Variants in SIPA1L3 observed in about 807,000 individuals in gnomAD.
The protein encoded by SIPA1L3 is signal-induced proliferation-associated 1-like protein 3.
A neutral mutation model predicts 150.1 loss-of-function variants in SIPA1L3; 59 were observed. The observed-to-expected ratio is 0.39, with a 90% CI of 0.32 to 0.49. The LOEUF is 0.49. Among genes scored for constraint, SIPA1L3 ranks in the 20% least tolerant of loss-of-function variants. The pLI is 0.86. For synonymous variants in SIPA1L3, 1,070 were observed against 1,077.6 expected (o/e 0.99, Z 0.14); for missense variants, 2,211 against 2,489.5 (o/e 0.89, Z 2.38).
intron 1 of SIPA1L3, among the ~76,000 whole-genome samples, chr19:37,999,019 A>G (rs548286312): frequency 1.3e-5 from 2 of 151,660 alleles, no homozygotes; most frequent in Admixed American, 6.6e-5. Context: ...ACACCCACAC[A>G]CACACAAAGA....
intron 1 of SIPA1L3, among the ~76,000 whole-genome samples, chr19:37,976,539 C>G (rs1967081901): frequency 6.6e-6 from 1 of 152,130 alleles, no homozygotes; most frequent in African/African-American, 2.4e-5. Flanking sequence ...TCGAGCAGCT[C>G]TGGGGTGTCT....
intron 1 of SIPA1L3, among the ~76,000 whole-genome samples, chr19:37,918,246 G>GT (rs1415753141): frequency 6.6e-6 from 1 of 151,654 alleles, no homozygotes; most frequent in Non-Finnish European, 1.5e-5. Context: ...TCATTTCTTT[G>GT]TTTTTTGTTT....
intron 19 of SIPA1L3, among the ~76,000 whole-genome samples, chr19:38,198,936 A>T (rs576793782): frequency 1.3e-5 from 2 of 152,214 alleles, no homozygotes; most frequent in Non-Finnish European, 2.9e-5. Flanking sequence ...ACTGCACTCC[A>T]GCCTGGGCGA....
At chr19:38,176,832 G>A (rs1315697517) in intron 15 of SIPA1L3, among the ~76,000 whole-genome samples, 1 of 152,034 alleles carries the variant, frequency 6.6e-6, no homozygotes, top group Non-Finnish European at 1.5e-5. Context: ...TTAGCTGGGT[G>A]TGGTGGCACA....
chr19:38,082,773 A>G lies in SIPA1L3; in HGVS notation c.1208A>G (p.Glu403Gly), dbSNP rs764171555. 9.9e-6 allele frequency: 16 copies of G among 1,613,318 alleles called. No homozygotes were observed. The highest frequency in any genetic ancestry group is 1.6e-4 in the Middle Eastern group (1 of 6,062). The change falls in exon 3 of 22, where the codon GAG becomes GGG. Residue 403 changes from glutamate to glycine, a missense_variant. By Grantham distance (98) the Glu-to-Gly change is moderately conservative. Around this residue, in one of 5 missense-constraint regions of SIPA1L3, gnomAD observed 587 missense variants for 534.5 expected, o/e 1.10. Transcript: ENST00000222345. ...GGLDPAFTST[E>G]DLNCKENLEQ... ...CTGGACCCGGCCTTCACCAGCACAG[A>G]GGACCTAAACTGCAAGGAGAACTTG...
intron 10 of SIPA1L3, among the ~76,000 whole-genome samples, chr19:38,132,722 A>T (rs1971341880): frequency 6.7e-6 from 1 of 148,878 alleles, no homozygotes; most frequent in African/African-American, 2.5e-5. Context: ...ATCTTGGCTC[A>T]CTGCAACCTC....
intron 2 of SIPA1L3, among the ~76,000 whole-genome samples, chr19:38,041,031 A>G (rs1407218811): frequency 1.3e-5 from 2 of 151,704 alleles, no homozygotes; most frequent in Non-Finnish European, 2.9e-5. Context: ...CCAAAGTGCT[A>G]GGATTACAGG....
intron 10 of SIPA1L3, among the ~76,000 whole-genome samples, chr19:38,140,486 T>C (rs1053610824): frequency 7.2e-5 from 11 of 152,132 alleles, no homozygotes; most frequent in Non-Finnish European, 1.5e-4. Flanking sequence ...AGGCAGTTAC[T>C]GTCCTTTGAT....
intron 6 of SIPA1L3, chr19:38,106,248 A>T: frequency 3.0e-6 from 1 of 332,078 alleles, no homozygotes; most frequent in Non-Finnish European, 5.7e-6. Flanking sequence ...CTGGGACTAC[A>T]GGCACCCGCC....
intron 4 of SIPA1L3, among the ~76,000 whole-genome samples, chr19:38,090,812 G>A (rs1280202966): frequency 6.6e-6 from 1 of 152,212 alleles, no homozygotes; most frequent in Non-Finnish European, 1.5e-5. Flanking sequence ...GCAGCTCGGA[G>A]TGCCCTCGCC....
intron 4 of SIPA1L3, among the ~76,000 whole-genome samples, chr19:38,098,347 C>A (rs970149907): frequency 6.6e-6 from 1 of 151,924 alleles, no homozygotes; most frequent in African/African-American, 2.4e-5. Flanking sequence ...ATTCTCATAC[C>A]ACTGCCCATC....
At chr19:37,962,750 C>T (rs1260373073) in intron 1 of SIPA1L3, among the ~76,000 whole-genome samples, 1 of 152,008 alleles carries the variant, frequency 6.6e-6, no homozygotes, top group Non-Finnish European at 1.5e-5. Flanking sequence ...CCTTGGCTTT[C>T]CAGAGTGTTG....
chr19:38,160,470 C>T (rs1032264821), intron 13 of SIPA1L3, among the ~76,000 whole-genome samples: 1 of 151,186 alleles, frequency 6.6e-6, no homozygotes, highest in African/African-American at 2.4e-5. Context: ...GGTGCGATCT[C>T]GGCTCACTGC....
intron 8 of SIPA1L3, among the ~76,000 whole-genome samples, chr19:38,116,284 C>A (rs973761145): frequency 6.6e-6 from 1 of 151,788 alleles, no homozygotes; most frequent in South Asian, 2.1e-4. Context: ...CCGAGGCGGG[C>A]GGATCATGAG....
At chr19:38,153,272 T>C (rs183034429) in intron 13 of SIPA1L3, among the ~76,000 whole-genome samples, 1 of 152,326 alleles carries the variant, frequency 6.6e-6, no homozygotes, top group East Asian at 1.9e-4. Flanking sequence ...TGAAAAAGAT[T>C]AAGCATTGAG....
intron 1 of SIPA1L3, among the ~76,000 whole-genome samples, chr19:37,987,061 G>A (rs1413266229): frequency 6.6e-6 from 1 of 152,046 alleles, no homozygotes; most frequent in Non-Finnish European, 1.5e-5. Flanking sequence ...CCGAGTAGCT[G>A]GGATTACAGA....
chr19:38,167,231 C>CAAAAAAAAAAAAAAAAA (rs370193698), intron 15 of SIPA1L3, among the ~76,000 whole-genome samples: 4 of 87,476 alleles, frequency 4.6e-5, no homozygotes, highest in South Asian at 4.4e-4. Flanking sequence ...GATTCCATCT[C>CAAAAAAAAAAAAAAAAA]AAAAAAAAAA....
At chr19:38,183,048 T>G in intron 16 of SIPA1L3, 1 of 311,456 alleles carries the variant, frequency 3.2e-6, no homozygotes, top group Non-Finnish European at 5.9e-6. Context: ...GCAGAGGTCC[T>G]GAGGCAGTGA....
intron 2 of SIPA1L3, among the ~76,000 whole-genome samples, chr19:38,036,948 C>T (rs1968806118): frequency 6.6e-6 from 1 of 152,198 alleles, no homozygotes; most frequent in Non-Finnish European, 1.5e-5. Flanking sequence ...GTGTTCACTT[C>T]CACCTGCACC....
Sources: gnomAD v4.1 joint callset for allele counts (sites outside exome capture counted in the v4.1 genomes callset) on GRCh38, gnomAD v4.1.1 for gene constraint, gnomAD v4.1.1 regional missense constraint, MANE v1.5 for transcripts, NCBI Gene and HGNC (gene_info 2026-07-23, HGNC 2026-07-21) for gene names.